The following BST1 variants were observed in gnomAD, a reference collection of about 807,000 sequenced individuals.
The protein encoded by BST1 is ADP-ribosyl cyclase/cyclic ADP-ribose hydrolase 2.
A neutral mutation model predicts 40.6 loss-of-function variants in BST1; 49 were observed. That is an observed-to-expected ratio of 1.21 (90% CI 0.96 to 1.53). The LOEUF is 1.53. Among genes scored for constraint, BST1 ranks in the 40% most tolerant of loss-of-function variants. The pLI is 0.00. For synonymous variants in BST1, 157 were observed against 159.3 expected (o/e 0.99, Z 0.11); for missense variants, 423 against 395.9 (o/e 1.07, Z -0.58).
At chr4:15,738,555 G>A (rs988991389), downstream of BST1, among the ~76,000 whole-genome samples, 24 of 151,978 alleles carry the variant, frequency 1.6e-4, no homozygotes, top group African/African-American at 5.6e-4. Flanking sequence ...AATATATGTT[G>A]GAAGGCAAGA....
At chr4:15,705,668 A>C in intron 2 of BST1, 27 bp downstream of exon 2, 1 of 1,612,264 alleles carries the variant, frequency 6.2e-7, no homozygotes, top group South Asian at 1.1e-5. Context: ...CTTGGGTAAA[A>C]CTGTGTTCTC....
the BST1 span, among the ~76,000 whole-genome samples, chr4:15,755,633 T>C: frequency 1.3e-5 from 2 of 152,222 alleles, no homozygotes; most frequent in African/African-American, 2.4e-5. Context: ...CTGCATATTA[T>C]TTATGGGTGA....
chr4:15,763,280 A>G, the BST1 span, among the ~76,000 whole-genome samples: 19 of 151,964 alleles, frequency 1.3e-4, no homozygotes, highest in South Asian at 3.9e-3. Context: ...GAAAAAATTT[A>G]AAAAGGAAGA....
At chr4:15,737,815 TACTG>T (rs776218461) in exon 7 of BST1, 21 of 1,286,540 alleles carry the variant, frequency 1.6e-5, no homozygotes, top group Non-Finnish European at 2.0e-5. Context: ...ATGGGGAAGA[TACTG>T]ACTGTCAGAG....
intron 1 of BST1, among the ~76,000 whole-genome samples, chr4:15,704,694 G>C (rs369485157): frequency 2.9e-4 from 44 of 152,240 alleles, no homozygotes; most frequent in Middle Eastern, 6.8e-3. Flanking sequence ...CAGATGTTTA[G>C]TCTGAATACT....
the BST1 span, among the ~76,000 whole-genome samples, chr4:15,745,104 A>G: frequency 1.8e-4 from 27 of 152,346 alleles, no homozygotes; most frequent in East Asian, 1.9e-3. Flanking sequence ...ACATTCAATT[A>G]TATTGATCAA....
At chr4:15,728,643 C>CTTTTTT (rs869200119) in intron 8 of BST1, among the ~76,000 whole-genome samples, 1 of 119,804 alleles carries the variant, frequency 8.3e-6, no homozygotes, top group Non-Finnish European at 1.7e-5. Context: ...TCCTTCCTTC[C>CTTTTTT]TTTTTTTTTT....
the BST1 span, among the ~76,000 whole-genome samples, chr4:15,747,577 C>A: frequency 1.3e-5 from 2 of 152,304 alleles, no homozygotes; most frequent in South Asian, 4.1e-4. Flanking sequence ...ACATTGTCAG[C>A]GAGCTGTGTT....
intron 2 of BST1, among the ~76,000 whole-genome samples, chr4:15,706,471 G>A (rs1719886378): frequency 6.6e-6 from 1 of 152,132 alleles, no homozygotes; most frequent in Admixed American, 6.6e-5. Flanking sequence ...GTTTATTTAA[G>A]AAAACCACAT....
chr4:15,730,111 G>A (rs1194136420), intron 8 of BST1, among the ~76,000 whole-genome samples: 1 of 152,182 alleles, frequency 6.6e-6, no homozygotes, highest in Non-Finnish European at 1.5e-5. Flanking sequence ...ATGTCCGGTA[G>A]GTGGAGCACT....
chr4:15,711,119 C>T (rs1720177728), intron 3 of BST1, among the ~76,000 whole-genome samples: 2 of 152,130 alleles, frequency 1.3e-5, no homozygotes, highest in Non-Finnish European at 2.9e-5. Context: ...TTGATGGACA[C>T]AGATTGATTC....
chr4:15,762,600 C>T, the BST1 span, among the ~76,000 whole-genome samples: 6 of 151,956 alleles, frequency 3.9e-5, no homozygotes, highest in African/African-American at 1.5e-4. Context: ...TTTCTGCTAA[C>T]CCCAACTTCC....
At position 15,703,399 on chromosome 4, in the gene BST1, GA is replaced by G. The variant is rs1201776786; in HGVS notation, c.188+71del. On this transcript the variant is annotated intron_variant, in intron 1 of 8. Transcript: ENST00000265016. The stretch of plus-strand genomic sequence containing the variant: ...AACGGTGGGGAGGGCCTGGGGAGGG[GA>G]AAACTGGCGCTAAAGTTCGGGGTGA... 105 of 1,459,178 alleles carry G rather than the reference GA, an allele frequency of 7.2e-5. 1 individual carries two copies. The African/African-American group carries it at 1.2e-3, about 17-fold the overall frequency. 90.4% of individuals were successfully genotyped at this position (1,459,178 alleles called of 1,614,324 possible).
chr4:15,711,429 A>C (rs1577572786), intron 3 of BST1, among the ~76,000 whole-genome samples: 1 of 152,144 alleles, frequency 6.6e-6, no homozygotes, highest in Non-Finnish European at 1.5e-5. Flanking sequence ...TAATTTTTGG[A>C]GACGGCTCTT....
intron 1 of BST1, 43 bp downstream of exon 1, chr4:15,703,375 A>C: frequency 8.2e-6 from 12 of 1,456,742 alleles, no homozygotes; most frequent in Middle Eastern, 2.5e-4. Flanking sequence ...GAAAGAGGCA[A>C]CGGTGGGGAG....
chr4:15,768,024 CA>C, the BST1 span, among the ~76,000 whole-genome samples: 1 of 152,186 alleles, frequency 6.6e-6, no homozygotes, highest in Non-Finnish European at 1.5e-5. Flanking sequence ...TATGGAAAAA[CA>C]AAATCATTCA....
chr4:15,763,749 G>A, the BST1 span, among the ~76,000 whole-genome samples: 67 of 152,036 alleles, frequency 4.4e-4, 1 homozygote, highest in African/African-American at 1.5e-3. Context: ...AAAAACAAAT[G>A]AGCTATTAAG....
the BST1 span, among the ~76,000 whole-genome samples, chr4:15,761,941 T>C: frequency 6.6e-6 from 1 of 151,844 alleles, no homozygotes; most frequent in Non-Finnish European, 1.5e-5. Context: ...GGCTCATGCC[T>C]GTAATCCCAG....
At position 15,720,992 on chromosome 4, in the gene BST1, G is replaced by T. The variant is rs140189943; in HGVS notation, c.792-1883G>T. 4.1e-3 allele frequency among the ~76,000 whole-genome samples: 624 copies of T among 152,276 alleles called. 4 individuals are homozygous for T. The highest frequency in any genetic ancestry group is 6.5e-3 in the Non-Finnish European group (441 of 68,010). On this transcript the variant is annotated intron_variant, in intron 7 of 8. Transcript: ENST00000265016. ...CTCCTTGCCCCTCACGGCTGCCCTG[G>T]GTCTGGGCTTATGTGCTTCCTCTCT...
Sources: allele counts gnomAD v4.1 joint callset (sites outside exome capture counted in the v4.1 genomes callset), GRCh38; gene constraint gnomAD v4.1.1; transcripts MANE v1.5; gene names NCBI Gene and HGNC (gene_info 2026-07-23, HGNC 2026-07-21).